CTNNA2: variants seen among roughly 807,000 people sequenced by gnomAD.
The protein encoded by CTNNA2 is catenin alpha-2.
A neutral mutation model predicts 101.0 loss-of-function variants in CTNNA2; 42 were observed. The observed-to-expected ratio is 0.42, with a 90% CI of 0.32 to 0.54. The LOEUF (loss-of-function observed/expected upper bound fraction) is 0.54. Ranked by LOEUF, CTNNA2 falls within the 20% of genes least tolerant of loss-of-function variation. The pLI is 0.14. For missense variants in CTNNA2, 871 were observed against 1,223.1 expected (o/e 0.71, Z 4.29); for synonymous variants, 450 against 456.4 (o/e 0.99, Z 0.18).
rs112868216 is a variant in CTNNA2, at chr2:80,252,807, C to T, written c.1057-140404C>T. 2.1e-3 allele frequency among the ~76,000 whole-genome samples: 326 copies of T among 152,126 alleles called. 5 individuals are homozygous for T. Among genetic ancestry groups the T allele is most frequent in the African/African-American group, 7.5e-3 (311 of 41,506 alleles). ...AGGTTACAAGAGGACTTGTAGGCGG[C>T]GACTTGTTTGCAAGGTGATGTATCT... On this transcript the variant is annotated intron_variant, in intron 7 of 18. Coordinates refer to ENST00000402739, the MANE Select transcript of CTNNA2 (RefSeq NM_001282597.3).
At chr2:80,336,018 G>A (rs1247097593) in intron 7 of CTNNA2, among the ~76,000 whole-genome samples, 2 of 152,114 alleles carry the variant, frequency 1.3e-5, no homozygotes, top group Admixed American at 6.6e-5. Flanking sequence ...ACTTTTTAAT[G>A]TACAGAAAAA....
chr2:79,849,089 C>T (rs1680469813), intron 3 of CTNNA2, among the ~76,000 whole-genome samples: 1 of 152,122 alleles, frequency 6.6e-6, no homozygotes, highest in Non-Finnish European at 1.5e-5. Context: ...ATTCACCAGT[C>T]TCAACATCAC....
At chr2:80,459,360 C>T (rs562853452) in intron 9 of CTNNA2, among the ~76,000 whole-genome samples, 1 of 152,138 alleles carries the variant, frequency 6.6e-6, no homozygotes, top group South Asian at 2.1e-4. Flanking sequence ...GATGAGAGGA[C>T]GTAGAAGACC....
At chr2:79,924,442 C>A (rs888348839) in intron 7 of CTNNA2, among the ~76,000 whole-genome samples, 3 of 152,010 alleles carry the variant, frequency 2.0e-5, no homozygotes, top group African/African-American at 4.8e-5. Context: ...TGTCTTTGTC[C>A]TTAGAATTAA....
At chr2:80,329,240 G>A (rs1367143346) in intron 7 of CTNNA2, among the ~76,000 whole-genome samples, 1 of 152,162 alleles carries the variant, frequency 6.6e-6, no homozygotes, top group African/African-American at 2.4e-5. Context: ...AACCAGCCTG[G>A]TGTTCATGGA....
At chr2:80,129,369 G>A (rs1702296924) in intron 7 of CTNNA2, among the ~76,000 whole-genome samples, 1 of 152,192 alleles carries the variant, frequency 6.6e-6, no homozygotes, top group African/African-American at 2.4e-5. Context: ...GGAGTAGCGA[G>A]TTAAAGCTGT....
intron 7 of CTNNA2, among the ~76,000 whole-genome samples, chr2:80,384,664 G>T (rs1021860501): frequency 1.3e-5 from 2 of 151,574 alleles, no homozygotes; most frequent in African/African-American, 2.4e-5. Flanking sequence ...CTTTTTGATG[G>T]GTGGTTTCTC....
intron 9 of CTNNA2, among the ~76,000 whole-genome samples, chr2:80,427,946 T>C (rs1681140596): frequency 6.6e-6 from 1 of 152,206 alleles, no homozygotes; most frequent in Admixed American, 6.5e-5. Flanking sequence ...GGTAAGTGTA[T>C]ACTATGTAAG....
intron 2 of CTNNA2, among the ~76,000 whole-genome samples, chr2:79,218,718 G>T (rs1042626273): frequency 6.6e-6 from 1 of 152,138 alleles, no homozygotes; most frequent in Non-Finnish European, 1.5e-5. Flanking sequence ...ACAAATCACG[G>T]ATCTTGGAAA....
intron 7 of CTNNA2, among the ~76,000 whole-genome samples, chr2:80,199,847 T>C (rs535896030): frequency 1.4e-3 from 209 of 152,328 alleles, no homozygotes; most frequent in African/African-American, 4.9e-3. Flanking sequence ...GCTCCTGACC[T>C]ACTTAGAAAA....
intron 7 of CTNNA2, among the ~76,000 whole-genome samples, chr2:80,154,147 G>T (rs564906326): frequency 6.6e-6 from 1 of 152,076 alleles, no homozygotes; most frequent in Non-Finnish European, 1.5e-5. Context: ...TATTATTTAG[G>T]CACTGCCACC....
chr2:80,393,760 A>G (rs2149367895), intron 8 of CTNNA2, among the ~76,000 whole-genome samples: 1 of 152,310 alleles, frequency 6.6e-6, no homozygotes, highest in Admixed American at 6.5e-5. Flanking sequence ...TAAATCTAGG[A>G]GAAAGTTTGC....
At position 80,604,031 on chromosome 2, in the gene CTNNA2, G is replaced by A. The variant is rs375645722; in HGVS notation, c.2190-43G>A. On this transcript the variant is annotated intron_variant, in intron 15 of 18. Transcript: ENST00000402739. ...GATATGGTAGGTTGGTCTCTTTCCC[G>A]TCATTAAGTGGATTTCTAATTATGT... is the stretch of plus-strand genomic sequence containing the variant. The A allele has an allele frequency of 1.3e-4, 203 of 1,558,638 alleles. No individual in the cohort carries two copies. In the Middle Eastern group the frequency reaches 1.7e-3, roughly 13 times the overall value.
intron 4 of CTNNA2, among the ~76,000 whole-genome samples, chr2:79,503,691 A>G (rs1253674721): frequency 2.0e-5 from 3 of 152,242 alleles, no homozygotes; most frequent in Admixed American, 1.3e-4. Flanking sequence ...CATTAAAGAA[A>G]GAGAAGTGAA....
chr2:80,261,368 G>A (rs185962280), intron 7 of CTNNA2, among the ~76,000 whole-genome samples: 33 of 152,012 alleles, frequency 2.2e-4, no homozygotes, highest in Admixed American at 1.4e-3. Context: ...CTGCTTGCTG[G>A]CTTAGGTTGT....
intron 4 of CTNNA2, among the ~76,000 whole-genome samples, chr2:79,378,332 A>G (rs1176924060): frequency 6.6e-6 from 1 of 152,214 alleles, no homozygotes; most frequent in Non-Finnish European, 1.5e-5. Context: ...TCCCCTAAGT[A>G]GCAACAAGAG....
At chr2:79,710,268 C>A (rs918457610) in intron 2 of CTNNA2, among the ~76,000 whole-genome samples, 1 of 151,988 alleles carries the variant, frequency 6.6e-6, no homozygotes, top group Non-Finnish European at 1.5e-5. Flanking sequence ...TACATCCTTC[C>A]GTAATGTTGC....
chr2:80,174,419 C>T (rs1203384417), intron 7 of CTNNA2, among the ~76,000 whole-genome samples: 9 of 152,180 alleles, frequency 5.9e-5, no homozygotes, highest in Non-Finnish European at 1.2e-4. Flanking sequence ...TTATCTAAGA[C>T]GTCATCCTCT....
chr2:79,450,471 A>T (rs1678880473), intron 4 of CTNNA2, among the ~76,000 whole-genome samples: 1 of 152,082 alleles, frequency 6.6e-6, no homozygotes, highest in African/African-American at 2.4e-5. Flanking sequence ...AGTGGCCATG[A>T]AAAGGATCAC....
Sources: allele counts gnomAD v4.1 joint callset (sites outside exome capture counted in the v4.1 genomes callset), GRCh38; gene constraint gnomAD v4.1.1; transcripts MANE v1.5; gene names NCBI Gene and HGNC (gene_info 2026-07-23, HGNC 2026-07-21).